Variants in RBPJ observed in about 807,000 individuals in gnomAD.
The protein encoded by RBPJ is recombination signal binding protein for immunoglobulin kappa J region.
Under a neutral mutation model 67.8 loss-of-function variants are expected in RBPJ, and 9 were observed. That is an observed-to-expected ratio of 0.13 (90% CI 0.08 to 0.23). The LOEUF (loss-of-function observed/expected upper bound fraction) is 0.23, where lower values mean the gene tolerates loss of function less well. Ranked by LOEUF, RBPJ falls within the 10% of genes least tolerant of loss-of-function variation. RBPJ has a pLI of 1.00. For synonymous variants in RBPJ, 198 were observed against 203.3 expected, an observed-to-expected ratio of 0.97 and a Z score of 0.22; for missense variants, 305 against 595.6, an observed-to-expected ratio of 0.51 and a Z score of 5.08.
intron 1 of RBPJ, among the ~76,000 whole-genome samples, chr4:26,244,741 C>A (rs150594355): frequency 0.027 from 4,119 of 152,036 alleles, 143 homozygotes; most frequent in African/African-American, 0.08. Context: ...AATTCTGCCT[C>A]AGCTTCCTGA....
chr4:26,127,520 G>A, the RBPJ span, among the ~76,000 whole-genome samples: 1 of 152,228 alleles, frequency 6.6e-6, no homozygotes, highest in African/African-American at 2.4e-5. Flanking sequence ...ATGATGGCAT[G>A]TCTTGCCCAT....
chr4:26,287,007 G>A (rs946941939), intron 1 of RBPJ, among the ~76,000 whole-genome samples: 6 of 152,002 alleles, frequency 3.9e-5, no homozygotes, highest in African/African-American at 9.7e-5. Flanking sequence ...GGCTGGTCTC[G>A]AACTCCTCAC....
intron 3 of RBPJ, among the ~76,000 whole-genome samples, chr4:26,413,399 A>G (rs548838196): frequency 2.0e-4 from 30 of 152,294 alleles, no homozygotes; most frequent in African/African-American, 7.2e-4. Context: ...CTAATGGAGT[A>G]CATATGCATG....
the RBPJ span, among the ~76,000 whole-genome samples, chr4:26,119,647 A>T: frequency 6.3e-3 from 964 of 152,272 alleles, 6 homozygotes; most frequent in African/African-American, 0.021. Context: ...TTCACCCATG[A>T]TGTTTTTCCA....
chr4:26,365,511 A>T (rs1315439813), intron 1 of RBPJ, among the ~76,000 whole-genome samples: 1 of 152,222 alleles, frequency 6.6e-6, no homozygotes, highest in Non-Finnish European at 1.5e-5. Flanking sequence ...TTAGCATAGA[A>T]AATAAAATAT....
rs1719776290 is a variant in RBPJ at position 26,244,256 on chromosome 4, CACATA to C, written c.-167+80643_-167+80647del. On this transcript the variant is annotated intron_variant, in intron 1 of 4. Coordinates refer to the RBPJ transcript ENST00000512351. ...ATGTGTCTATATATGTGTACACATACACATATGTGTACACATATATGTGTGTATAT... is the reference window on the plus strand; with the variant it reads ...ATGTGTCTATATATGTGTACACATACTGTGTACACATATATGTGTGTATAT... 1.6e-5 allele frequency among the ~76,000 whole-genome samples: 2 copies of C among 125,770 alleles called. 1 individual carries two copies. Among genetic ancestry groups the C allele is most frequent in the African/African-American group, 6.6e-5 (2 of 30,372 alleles). The allele number at this position is 125,770 out of a possible 152,430, so 82.5% of individuals were successfully genotyped here. A position where few individuals can be genotyped will look rare whatever the true frequency, so the allele number is the denominator to read the frequency against.
At chr4:26,394,214 A>G (rs541052296) in intron 2 of RBPJ, among the ~76,000 whole-genome samples, 1 of 152,178 alleles carries the variant, frequency 6.6e-6, no homozygotes, top group East Asian at 1.9e-4. Context: ...TTTTTAGTAG[A>G]GACGGGGTTT....
chr4:26,309,863 TCA>T (rs1483971119), intron 1 of RBPJ, among the ~76,000 whole-genome samples: 2 of 152,216 alleles, frequency 1.3e-5, no homozygotes, highest in African/African-American at 4.8e-5. Context: ...AATCTATCAA[TCA>T]CACATGGAAA....
intron 2 of RBPJ, among the ~76,000 whole-genome samples, chr4:26,405,040 C>T (rs1334200472): frequency 2.6e-5 from 4 of 152,234 alleles, no homozygotes; most frequent in African/African-American, 9.6e-5. Context: ...TATTTATATC[C>T]TGGTATTACT....
intron 1 of RBPJ, among the ~76,000 whole-genome samples, chr4:26,214,766 AAAG>A (rs1317270009): frequency 2.0e-3 from 27 of 13,350 alleles, no homozygotes; most frequent in East Asian, 0.016. Flanking sequence ...AAGAGAGAAA[AAAG>A]AGAAAGAAAG....
chr4:26,281,150 A>T (rs1721260672), intron 1 of RBPJ, among the ~76,000 whole-genome samples: 1 of 152,174 alleles, frequency 6.6e-6, no homozygotes, highest in Non-Finnish European at 1.5e-5. Flanking sequence ...TTTTTTATTT[A>T]TTTTTATGAA....
chr4:26,250,222 A>T (rs1319841416), intron 1 of RBPJ, among the ~76,000 whole-genome samples: 1 of 151,822 alleles, frequency 6.6e-6, no homozygotes, highest in East Asian at 1.9e-4. Flanking sequence ...TCAATCCCTC[A>T]TGAAGGTAGA....
intron 1 of RBPJ, among the ~76,000 whole-genome samples, chr4:26,266,582 T>C (rs1342385557): frequency 7.2e-5 from 11 of 152,158 alleles, no homozygotes; most frequent in Admixed American, 2.0e-4. Flanking sequence ...ACTTCTTACA[T>C]GGGGGTGTTA....
intron 1 of RBPJ, among the ~76,000 whole-genome samples, chr4:26,246,591 A>C (rs1402820412): frequency 6.6e-6 from 1 of 152,216 alleles, no homozygotes; most frequent in Non-Finnish European, 1.5e-5. Context: ...ATAACCTGTC[A>C]GATTGTAAGC....
chr4:26,232,092 C>T (rs975611595), intron 1 of RBPJ, among the ~76,000 whole-genome samples: 4 of 151,806 alleles, frequency 2.6e-5, no homozygotes, highest in Non-Finnish European at 5.9e-5. Context: ...GACGGGGTTT[C>T]ACCATGTTGG....
the RBPJ span, among the ~76,000 whole-genome samples, chr4:26,157,618 T>C: frequency 6.6e-6 from 1 of 152,220 alleles, no homozygotes; most frequent in Non-Finnish European, 1.5e-5. Context: ...CCATAAACTT[T>C]TTCAGTCCCT....
chr4:26,319,922 C>G, upstream of RBPJ: 1 of 1,576,550 alleles, frequency 6.3e-7, no homozygotes, highest in Middle Eastern at 1.7e-4. Context: ...GGCCCTTCAC[C>G]CTGCTGTTCC....
chr4:26,109,452 C>A, the RBPJ span, among the ~76,000 whole-genome samples: 33 of 24,172 alleles, frequency 1.4e-3, no homozygotes, highest in African/African-American at 1.8e-3. Flanking sequence ...CTCTCTCTCT[C>A]TCTCTCTCTA....
chr4:26,255,736 A>G (rs1216554355), intron 1 of RBPJ, among the ~76,000 whole-genome samples: 1 of 150,150 alleles, frequency 6.7e-6, no homozygotes, highest in Non-Finnish European at 1.5e-5. Context: ...CGGGAGGCAG[A>G]GCTTGCAGTG....
Sources: gnomAD v4.1 joint callset for allele counts (sites outside exome capture counted in the v4.1 genomes callset) on GRCh38, gnomAD v4.1.1 for gene constraint, MANE v1.5 for transcripts, NCBI Gene and HGNC (gene_info 2026-07-23, HGNC 2026-07-21) for gene names.